The following ALOX5 variants were observed in gnomAD, a reference collection of about 807,000 sequenced individuals.
ALOX5 encodes polyunsaturated fatty acid 5-lipoxygenase.
A neutral mutation model predicts 87.9 loss-of-function variants in ALOX5; 64 were observed. The observed-to-expected ratio is 0.73, with a 90% CI of 0.60 to 0.90. The LOEUF (loss-of-function observed/expected upper bound fraction) is 0.90, where lower values mean the gene tolerates loss of function less well. Ranked by LOEUF, ALOX5 falls within the 40% of genes least tolerant of loss-of-function variation. ALOX5 has a pLI of 0.00. For missense variants in ALOX5, 822 were observed against 907.5 expected, an observed-to-expected ratio of 0.91 and a Z score of 1.21; for synonymous variants, 388 against 355.1, an observed-to-expected ratio of 1.09 and a Z score of -1.04.
intron 2 of ALOX5, among the ~76,000 whole-genome samples, chr10:45,391,967 C>A (rs1387385882): frequency 6.6e-6 from 1 of 151,942 alleles, no homozygotes; most frequent in African/African-American, 2.4e-5. Flanking sequence ...GCCCGGCAGC[C>A]ACCCTGTCCG....
intron 3 of ALOX5, among the ~76,000 whole-genome samples, chr10:45,405,104 G>C (rs1283493554): frequency 6.6e-6 from 1 of 152,062 alleles, no homozygotes; most frequent in African/African-American, 2.4e-5. Context: ...GTTTGTTTTG[G>C]GTATTGCAGT....
chr10:45,436,044 T>G (rs189069710), intron 7 of ALOX5, among the ~76,000 whole-genome samples: 1 of 152,372 alleles, frequency 6.6e-6, no homozygotes, highest in African/African-American at 2.4e-5. Flanking sequence ...TTTTTTCATA[T>G]GTTTGTTGGC....
chr10:45,443,369 C>T (rs1842307881), intron 10 of ALOX5, 47 bp from the exon 11 acceptor site: 6 of 1,596,340 alleles, frequency 3.8e-6, no homozygotes, highest in East Asian at 2.3e-5. Flanking sequence ...GGCACCGCTC[C>T]GCAGACCTGG....
intron 2 of ALOX5, among the ~76,000 whole-genome samples, chr10:45,395,061 ATC>A (rs1169745202): frequency 6.6e-6 from 1 of 152,236 alleles, no homozygotes; most frequent in Non-Finnish European, 1.5e-5. Flanking sequence ...TTCCTCAGGG[ATC>A]TAGAACTAGA....
intron 2 of ALOX5, among the ~76,000 whole-genome samples, chr10:45,383,683 T>G (rs181144957): frequency 3.6e-4 from 55 of 152,330 alleles, no homozygotes; most frequent in African/African-American, 1.3e-3. Flanking sequence ...GAGAAAAAAG[T>G]TATTCTGTAC....
chr10:45,380,000 T>G (rs1839771467), intron 1 of ALOX5, among the ~76,000 whole-genome samples: 1 of 152,082 alleles, frequency 6.6e-6, no homozygotes, highest in African/African-American at 2.4e-5. Context: ...GGGCCTGGCG[T>G]GGGGCAGGCC....
intron 3 of ALOX5, among the ~76,000 whole-genome samples, chr10:45,398,419 C>T (rs1178331561): frequency 2.0e-5 from 3 of 152,222 alleles, no homozygotes; most frequent in Middle Eastern, 3.4e-3. Context: ...CAGGAGTAAA[C>T]CTTCATGACT....
intron 7 of ALOX5, among the ~76,000 whole-genome samples, chr10:45,431,604 G>A (rs1166193920): frequency 6.0e-5 from 9 of 150,800 alleles, no homozygotes; most frequent in African/African-American, 1.2e-4. Flanking sequence ...ATGGAGTTTC[G>A]CACTGTCACC....
chr10:45,388,938 A>G (rs1281891052), intron 2 of ALOX5, among the ~76,000 whole-genome samples: 1 of 152,156 alleles, frequency 6.6e-6, no homozygotes, highest in East Asian at 1.9e-4. Flanking sequence ...AAAGCTAAAA[A>G]CCTTGAAAAA....
At chr10:45,408,283 G>C (rs1564427998) in intron 3 of ALOX5, among the ~76,000 whole-genome samples, 2 of 152,194 alleles carry the variant, frequency 1.3e-5, no homozygotes, top group Admixed American at 6.5e-5. Flanking sequence ...TTGGGGTACA[G>C]CTTGCTTTTG....
chr10:45,436,118 GT>G (rs2132840717), intron 7 of ALOX5, among the ~76,000 whole-genome samples: 1 of 152,168 alleles, frequency 6.6e-6, no homozygotes, highest in Non-Finnish European at 1.5e-5. Flanking sequence ...TAATGGTGGT[GT>G]TTTTTCTTAA....
intron 4 of ALOX5, among the ~76,000 whole-genome samples, chr10:45,414,299 C>A (rs1233694001): frequency 6.6e-6 from 1 of 152,238 alleles, no homozygotes; most frequent in African/African-American, 2.4e-5. Context: ...CTACAACCAT[C>A]TGATCTTTGA....
chr10:45,420,727 C>T (rs1841471454), intron 4 of ALOX5, among the ~76,000 whole-genome samples: 1 of 152,260 alleles, frequency 6.6e-6, no homozygotes, highest in South Asian at 2.1e-4. Flanking sequence ...GGCCAGCCCT[C>T]CTCAGCAGGC....
In ALOX5 at chr10:45,444,102, GGTC is replaced by G. The variant is rs2132866513; in HGVS notation, c.1675-10_1675-8del. 6.6e-7 allele frequency: 1 copy of G among 1,520,772 alleles called. No homozygotes were observed. Among genetic ancestry groups the G allele is most frequent in the Admixed American group, 2.0e-5 (1 of 49,422 alleles). 94.2% of individuals were successfully genotyped at this position (1,520,772 alleles called of 1,614,324 possible). ...TTCGGGGGTGCCCACGCTTGCTGGC[GGTC>G]GTCTCCGCAGTACGACTGGTGCTCC... On this transcript the variant is annotated splice_polypyrimidine_tract_variant and intron_variant, in intron 12 of 13. Transcript: ENST00000374391.
intron 7 of ALOX5, among the ~76,000 whole-genome samples, chr10:45,433,178 T>C (rs1264543546): frequency 6.6e-6 from 1 of 152,240 alleles, no homozygotes; most frequent in Non-Finnish European, 1.5e-5. Context: ...CGGAGCCCCA[T>C]GCTCTGCTCA....
At chr10:45,423,227 G>A (rs564052753) in intron 4 of ALOX5, among the ~76,000 whole-genome samples, 8 of 152,366 alleles carry the variant, frequency 5.3e-5, no homozygotes, top group African/African-American at 1.9e-4. Context: ...GGCAACCAGA[G>A]TCAAGGCTGA....
chr10:45,432,377 A>AG (rs1376081403), intron 7 of ALOX5, among the ~76,000 whole-genome samples: 1 of 150,552 alleles, frequency 6.6e-6, no homozygotes, highest in African/African-American at 2.4e-5. Context: ...AAAAAAAAAA[A>AG]GTAAAAGAAA....
At chr10:45,411,605 A>C (rs1293944247) in intron 3 of ALOX5, among the ~76,000 whole-genome samples, 1 of 152,196 alleles carries the variant, frequency 6.6e-6, no homozygotes, top group African/African-American at 2.4e-5. Flanking sequence ...AATAATCTCT[A>C]AAGCTGCTAT....
intron 1 of ALOX5, among the ~76,000 whole-genome samples, chr10:45,374,740 C>T (rs996337919): frequency 6.6e-6 from 1 of 152,188 alleles, no homozygotes; most frequent in South Asian, 2.1e-4. Context: ...CCAAGGTTTC[C>T]CCTCCACTTC....
Sources: allele counts gnomAD v4.1 joint callset (sites outside exome capture counted in the v4.1 genomes callset), GRCh38; gene constraint gnomAD v4.1.1; transcripts MANE v1.5; gene names NCBI Gene and HGNC (gene_info 2026-07-23, HGNC 2026-07-21).